Variants in TP63 observed in about 807,000 individuals in gnomAD.
The protein encoded by TP63 is tumor protein 63.
TP63 carries 17 observed loss-of-function variants against 82.8 expected under a neutral mutation model. The observed-to-expected ratio is 0.21, with a 90% CI of 0.14 to 0.31. TP63 has a LOEUF of 0.31. Ranked by LOEUF, TP63 falls within the 10% of genes least tolerant of loss-of-function variation. The pLI is 1.00. For synonymous variants in TP63, 330 were observed against 321.7 expected (o/e 1.03, Z -0.28); for missense variants, 648 against 895.3 (o/e 0.72, Z 3.52).
chr3:189,823,470 T>A (rs1729007999), intron 4 of TP63, among the ~76,000 whole-genome samples: 1 of 152,128 alleles, frequency 6.6e-6, no homozygotes, highest in African/African-American at 2.4e-5. Flanking sequence ...AGACGCACAC[T>A]GTGGAGCTGA....
chr3:189,872,400 AACACACAC>A (rs60097753), intron 9 of TP63, among the ~76,000 whole-genome samples: 3,091 of 147,088 alleles, frequency 0.021, 117 homozygotes, highest in African/African-American at 0.073. Flanking sequence ...AAGTTTCTCT[AACACACAC>A]ACACACACAC....
At chr3:189,816,913 A>T (rs567338451) in intron 4 of TP63, among the ~76,000 whole-genome samples, 1 of 152,202 alleles carries the variant, frequency 6.6e-6, no homozygotes, top group Non-Finnish European at 1.5e-5. Context: ...GATCTAATTT[A>T]TTGTGAGGTA....
At chr3:189,707,668 G>T (rs1233785931) in intron 1 of TP63, among the ~76,000 whole-genome samples, 1 of 152,024 alleles carries the variant, frequency 6.6e-6, no homozygotes, top group Non-Finnish European at 1.5e-5. Context: ...CCTAGAAAAT[G>T]ATTACTTTAA....
In TP63 at chr3:189,895,864, A is replaced by G. The variant is rs1721425990; in HGVS notation, c.*1362A>G. 1 of 225,478 alleles carries G rather than the reference A, an allele frequency of 4.4e-6. No homozygotes were observed. Among genetic ancestry groups the G allele is most frequent in the Non-Finnish European group, 8.8e-6 (1 of 113,410 alleles). The allele number at this position is 225,478 out of a possible 1,614,324, so 14.0% of individuals were successfully genotyped here. A position where few individuals can be genotyped will look rare whatever the true frequency, so the allele number is the denominator to read the frequency against. ...GTGGCATAAATTGCATCACTGTATC[A>G]TTTTCTTTTTTAACCGGTAAGAGTT... is the stretch of plus-strand genomic sequence containing the variant. On this transcript the variant is annotated 3_prime_UTR_variant, in exon 14 of 14. Coordinates refer to ENST00000264731, the MANE Select transcript of TP63 (RefSeq NM_003722.5).
intron 2 of TP63, 123 bp downstream of exon 2, chr3:189,737,991 A>G: frequency 8.8e-7 from 1 of 1,136,814 alleles, no homozygotes; most frequent in Non-Finnish European, 1.3e-6. Context: ...GGAAAAGTTA[A>G]TGACTCCAAT....
At position 189,774,786 on chromosome 3, in the gene TP63, G is replaced by A. The variant is rs1723652074; in HGVS notation, c.325-33486G>A. On this transcript the variant is annotated intron_variant, in intron 3 of 13. Coordinates refer to ENST00000264731, the MANE Select transcript of TP63 (RefSeq NM_003722.5). Reference sequence around the variant, plus strand: ...TTTGACTCCCGGCCAAGTATGAAGTGCTTTCAAATAGGGCATCAGATACAG... The same window carrying A: ...TTTGACTCCCGGCCAAGTATGAAGTACTTTCAAATAGGGCATCAGATACAG... Among the ~76,000 whole-genome samples, 3 of 152,142 alleles carry A rather than the reference G, an allele frequency of 2.0e-5. No homozygotes were observed. The South Asian group carries it at 6.2e-4, about 32-fold the overall frequency.
chr3:189,756,286 T>C (rs1194585963), intron 3 of TP63, among the ~76,000 whole-genome samples: 1 of 152,178 alleles, frequency 6.6e-6, no homozygotes, highest in East Asian at 1.9e-4. Context: ...AAAAATCCTC[T>C]AATTTTTGGA....
rs185770608 is a variant in TP63 at position 189,706,314 on chromosome 3, T to A, written c.63-31426T>A. On this transcript the variant is annotated intron_variant, in intron 1 of 13. Coordinates refer to ENST00000264731, the MANE Select transcript of TP63 (RefSeq NM_003722.5). ...CTCTGTCACCCAGGCTGGAGTACAG[T>A]GGCACAATCTCAGCTCACTGCAACC... 4.3e-4 allele frequency among the ~76,000 whole-genome samples: 65 copies of A among 152,278 alleles called. No individual in the cohort carries two copies. In the East Asian group the frequency reaches 0.012, roughly 28 times the overall value.
At chr3:189,722,692 G>C (rs750900747) in intron 1 of TP63, among the ~76,000 whole-genome samples, 1 of 152,206 alleles carries the variant, frequency 6.6e-6, no homozygotes, top group South Asian at 2.1e-4. Context: ...GTAAACGTGG[G>C]TGTGTATAAA....
At chr3:189,785,171 A>G (rs1010164930) in intron 3 of TP63, among the ~76,000 whole-genome samples, 1 of 151,998 alleles carries the variant, frequency 6.6e-6, no homozygotes, top group South Asian at 2.1e-4. Flanking sequence ...TCTATTTTAG[A>G]TACTATACTT....
At chr3:189,838,833 C>T (rs1424439388) in intron 4 of TP63, among the ~76,000 whole-genome samples, 2 of 152,010 alleles carry the variant, frequency 1.3e-5, no homozygotes, top group African/African-American at 4.8e-5. Context: ...AGTATTTCAG[C>T]ATATTGGTTT....
At chr3:189,824,834 TA>T (rs75963451) in intron 4 of TP63, among the ~76,000 whole-genome samples, 30,275 of 138,546 alleles carry the variant, frequency 0.22, 3,229 homozygotes, top group Non-Finnish European at 0.28. Context: ...TTTGTAGGTT[TA>T]AAAAAAAAAA....
At chr3:189,713,721 A>G (rs2108757959) in intron 1 of TP63, among the ~76,000 whole-genome samples, 1 of 152,292 alleles carries the variant, frequency 6.6e-6, no homozygotes, top group African/African-American at 2.4e-5. Context: ...TATTAGGTGT[A>G]TATTCTGTGA....
At chr3:189,681,707 T>G (rs1306215749) in intron 1 of TP63, among the ~76,000 whole-genome samples, 1 of 151,460 alleles carries the variant, frequency 6.6e-6, no homozygotes, top group South Asian at 2.1e-4. Context: ...TTCTACTCTC[T>G]CGCTGACTGC....
intron 3 of TP63, among the ~76,000 whole-genome samples, chr3:189,742,411 A>AT (rs59762061): frequency 2.2e-3 from 324 of 148,164 alleles, no homozygotes; most frequent in African/African-American, 6.1e-3. Context: ...TACTTTCGCA[A>AT]TTTTTTTTTT....
chr3:189,874,923 A>C (rs967032318), intron 10 of TP63, among the ~76,000 whole-genome samples: 1 of 151,990 alleles, frequency 6.6e-6, no homozygotes, highest in Non-Finnish European at 1.5e-5. Flanking sequence ...ATGACCTCCA[A>C]AACATCACTA....
At chr3:189,739,157 C>A (rs1720803268) in intron 3 of TP63, among the ~76,000 whole-genome samples, 1 of 151,772 alleles carries the variant, frequency 6.6e-6, no homozygotes, top group Non-Finnish European at 1.5e-5. Context: ...ACTCTGTCAC[C>A]CAGGCTGGAG....
chr3:189,644,216 A>G (rs1304810627), intron 1 of TP63, among the ~76,000 whole-genome samples: 1 of 149,656 alleles, frequency 6.7e-6, no homozygotes, highest in Middle Eastern at 3.2e-3. Context: ...CTCCTCTCTC[A>G]TACCCCCAGC....
chr3:189,890,051 G>A (rs1340820479), intron 12 of TP63, among the ~76,000 whole-genome samples: 2 of 152,220 alleles, frequency 1.3e-5, no homozygotes, highest in African/African-American at 4.8e-5. Flanking sequence ...CATGAAGCCT[G>A]AAAGATTTGC....
Sources: allele counts gnomAD v4.1 joint callset (sites outside exome capture counted in the v4.1 genomes callset), GRCh38; gene constraint gnomAD v4.1.1; transcripts MANE v1.5; gene names NCBI Gene and HGNC (gene_info 2026-07-23, HGNC 2026-07-21).